The following PARD3B variants were observed in gnomAD, a reference collection of about 807,000 sequenced individuals.
PARD3B encodes par-3 family cell polarity regulator beta, also known as partitioning defective 3 homolog B.
In PARD3B, 103 loss-of-function variants were observed where a neutral mutation model predicts 130.2. That is an observed-to-expected ratio of 0.79 (90% confidence interval 0.67 to 0.93). The LOEUF (loss-of-function observed/expected upper bound fraction) is 0.93, where lower values mean the gene tolerates loss of function less well. Ranked by LOEUF, PARD3B falls within the 40% of genes least tolerant of loss-of-function variation. PARD3B has a pLI of 0.00. For synonymous variants in PARD3B, 583 were observed against 553.2 expected (o/e 1.05, Z -0.76); for missense variants, 1,609 against 1,499.2 (o/e 1.07, Z -1.21).
chr2:205,114,259 T>A (rs1256130549), intron 6 of PARD3B, among the ~76,000 whole-genome samples: 1 of 152,146 alleles, frequency 6.6e-6, no homozygotes, highest in Non-Finnish European at 1.5e-5. Context: ...TGATGGAAAT[T>A]AAAGTGTGTG....
At chr2:205,566,384 G>T (rs1206152413) in intron 22 of PARD3B, among the ~76,000 whole-genome samples, 1 of 152,180 alleles carries the variant, frequency 6.6e-6, no homozygotes, top group East Asian at 1.9e-4. Flanking sequence ...CCAGGGTGAT[G>T]GTGATGAAAG....
intron 1 of PARD3B, among the ~76,000 whole-genome samples, chr2:204,572,256 C>G (rs2032044312): frequency 6.6e-6 from 1 of 152,026 alleles, no homozygotes; most frequent in Non-Finnish European, 1.5e-5. Context: ...GCCTCCACAT[C>G]TAGTTTCTTT....
At chr2:205,289,040 AAACT>A (rs1460045074) in intron 16 of PARD3B, among the ~76,000 whole-genome samples, 18 of 152,348 alleles carry the variant, frequency 1.2e-4, no homozygotes, top group African/African-American at 3.6e-4. Flanking sequence ...AGAGTGAAAG[AAACT>A]AACTAGTTCT....
intron 2 of PARD3B, among the ~76,000 whole-genome samples, chr2:204,944,172 A>G (rs1402666742): frequency 6.6e-6 from 1 of 152,238 alleles, no homozygotes; most frequent in Non-Finnish European, 1.5e-5. Flanking sequence ...CCTTTAATAC[A>G]TTAGTCTTGT....
rs1387660518 is a variant in PARD3B, at chr2:204,678,697, T to TAAA, written c.121-7484_121-7483insAAA. Among the ~76,000 whole-genome samples the TAAA allele has an allele frequency of 6.6e-6, 1 of 151,992 alleles. No homozygotes were observed. Among genetic ancestry groups the TAAA allele is most frequent in the East Asian group, 1.9e-4 (1 of 5,166 alleles). ...TCCTCTCGATGTTCAGCCGCTTGTC[T>TAAA]CTCTGCCAGCTGAGCTCTGAGGTTT... On this transcript the variant is annotated intron_variant, in intron 1 of 22. Transcript: ENST00000406610. The surrounding 1 kb of genome is among the most constrained non-coding windows in gnomAD (Gnocchi z 4.2).
chr2:204,978,891 G>A (rs1188662568), intron 3 of PARD3B, among the ~76,000 whole-genome samples: 2 of 150,538 alleles, frequency 1.3e-5, no homozygotes, highest in Non-Finnish European at 2.9e-5. Context: ...TTGAACCAGG[G>A]AGGCAGAAGT....
At chr2:205,036,843 CATAT>C (rs935075840) in intron 3 of PARD3B, among the ~76,000 whole-genome samples, 10 of 150,246 alleles carry the variant, frequency 6.7e-5, no homozygotes, top group Non-Finnish European at 1.2e-4. Flanking sequence ...GTACAAAAAA[CATAT>C]ATAGTGGACT....
chr2:204,792,842 G>A (rs2125479716), intron 2 of PARD3B, among the ~76,000 whole-genome samples: 1 of 151,978 alleles, frequency 6.6e-6, no homozygotes, highest in East Asian at 1.9e-4. Flanking sequence ...CAAATTGCTT[G>A]ATTACCTCCT....
At chr2:204,697,342 G>A (rs2037659040) in intron 2 of PARD3B, among the ~76,000 whole-genome samples, 1 of 152,132 alleles carries the variant, frequency 6.6e-6, no homozygotes, top group Admixed American at 6.6e-5. Flanking sequence ...TTCAGAGGGA[G>A]CCTGCTAACT....
intron 1 of PARD3B, among the ~76,000 whole-genome samples, chr2:204,644,235 C>T (rs2035193236): frequency 6.6e-6 from 1 of 152,210 alleles, no homozygotes; most frequent in African/African-American, 2.4e-5. Context: ...TTCATGGGGA[C>T]ACATTTCTCT....
At chr2:205,377,623 GTCCTCACAC>G (rs2045113149) in intron 18 of PARD3B, among the ~76,000 whole-genome samples, 1 of 152,076 alleles carries the variant, frequency 6.6e-6, no homozygotes, top group South Asian at 2.1e-4. Flanking sequence ...CTGGAGACCA[GTCCTCACAC>G]CCTACCAACT....
In PARD3B at chr2:205,187,039, T is replaced by G. The variant is rs2125790258; in HGVS notation, c.2024+1176T>G. On this transcript the variant is annotated intron_variant, in intron 14 of 22. Transcript: ENST00000406610. This position sits in a 1 kb window ranked among gnomAD's most constrained non-coding sequence, Gnocchi z 4.9. Reference sequence around the variant, plus strand: ...GAAGCTGGTAGGCTGACAGGTAGGCTCATGGGACGACTGGAACACAAGGGT... The same window carrying G: ...GAAGCTGGTAGGCTGACAGGTAGGCGCATGGGACGACTGGAACACAAGGGT... 6.6e-6 allele frequency among the ~76,000 whole-genome samples: 1 copy of G among 152,308 alleles called. No homozygotes were observed. Among genetic ancestry groups the G allele is most frequent in the South Asian group, 2.1e-4 (1 of 4,826 alleles).
intron 21 of PARD3B, among the ~76,000 whole-genome samples, chr2:205,511,697 G>A (rs900300724): frequency 2.0e-5 from 3 of 152,204 alleles, no homozygotes; most frequent in African/African-American, 7.2e-5. Context: ...TAAACTTTGG[G>A]TACTAAATTA....
chr2:205,475,645 G>A (rs2048998600), intron 20 of PARD3B, among the ~76,000 whole-genome samples: 1 of 152,068 alleles, frequency 6.6e-6, no homozygotes, highest in Admixed American at 6.6e-5. Context: ...GGTGGCAGGG[G>A]GAGAGCCATT....
chr2:205,534,207 T>C (rs978919600), intron 21 of PARD3B, among the ~76,000 whole-genome samples: 5 of 152,180 alleles, frequency 3.3e-5, no homozygotes, highest in Admixed American at 2.6e-4. Context: ...CCTGTTCTCA[T>C]AGAGTTTATG....
chr2:205,347,938 TAAA>T (rs2043853740), intron 18 of PARD3B: 1 of 151,784 alleles, frequency 6.6e-6, no homozygotes, highest in Admixed American at 6.6e-5. Flanking sequence ...CTGGGGAAGA[TAAA>T]AAAGGGAGGA....
At chr2:204,957,755 A>C (rs1031356728) in intron 2 of PARD3B, among the ~76,000 whole-genome samples, 2 of 152,146 alleles carry the variant, frequency 1.3e-5, no homozygotes, top group Non-Finnish European at 2.9e-5. Flanking sequence ...ACATACATTT[A>C]AATGAAATTC....
chr2:204,605,541 T>A (rs1237092909), intron 1 of PARD3B, among the ~76,000 whole-genome samples: 1 of 152,166 alleles, frequency 6.6e-6, no homozygotes, highest in Admixed American at 6.5e-5. Flanking sequence ...AAACTGTACA[T>A]GTGTCTCATC....
At chr2:205,118,076 T>A (rs1302604025) in intron 6 of PARD3B, among the ~76,000 whole-genome samples, 1 of 152,198 alleles carries the variant, frequency 6.6e-6, no homozygotes, top group South Asian at 2.1e-4. Context: ...CTCTTCTTGG[T>A]TGAAATTTTG....
Sources: allele counts gnomAD v4.1 joint callset (sites outside exome capture counted in the v4.1 genomes callset), GRCh38; gene constraint gnomAD v4.1.1; non-coding constraint Gnocchi (gnomAD v3.1); transcripts MANE v1.5; gene names NCBI Gene and HGNC (gene_info 2026-07-23, HGNC 2026-07-21).